Variants in OR52K1 observed in about 807,000 individuals in gnomAD.
OR52K1 encodes olfactory receptor 52K1.
In OR52K1, 10 loss-of-function variants were observed where a neutral mutation model predicts 8.7. That is an observed-to-expected ratio of 1.15 (90% CI 0.71 to 1.95). OR52K1 has a LOEUF of 1.95. OR52K1 is among the 30% of genes most tolerant of loss of function. The probability of loss-of-function intolerance (pLI) is 0.00; values close to 1 mark genes in which losing one functional copy is unlikely to be tolerated. For missense variants in OR52K1, 431 were observed against 397.2 expected, an observed-to-expected ratio of 1.08 and a Z score of -0.72; for synonymous variants, 203 against 148.5, an observed-to-expected ratio of 1.37 and a Z score of -2.67.
At position 4,486,645 on chromosome 11, in the gene OR52K1, A is replaced by G. The variant is rs144200024; in HGVS notation, c.-328-1928A>G. Among the ~76,000 whole-genome samples the G allele has an allele frequency of 2.0e-3, 310 of 152,340 alleles. 1 individual carries two copies. The highest frequency in any genetic ancestry group is 6.8e-3 in the African/African-American group (284 of 41,568). On this transcript the variant is annotated intron_variant, in intron 1 of 1. Coordinates refer to ENST00000641528, the MANE Select transcript of OR52K1 (RefSeq NM_001005171.3). ...ATTCCTTGGTTTTTAAATCACAACA[A>G]TGAAACTTTGTATAATATGTAATTT... is the stretch of plus-strand genomic sequence containing the variant.
At position 4,488,670 on chromosome 11, in the gene OR52K1, C is replaced by G; in HGVS notation, c.-231C>G. The G allele has an allele frequency of 3.9e-6, 2 of 516,244 alleles. No individual in the cohort carries two copies. Among genetic ancestry groups the G allele is most frequent in the African/African-American group, 1.9e-5 (1 of 52,000 alleles). The allele number at this position is 516,244 out of a possible 1,614,324, so 32.0% of individuals were successfully genotyped here. On this transcript the variant is annotated 5_prime_UTR_variant, in exon 2 of 2. In the 5' UTR this introduces an upstream ATG that the reference lacks. Coordinates refer to ENST00000641528, the MANE Select transcript of OR52K1 (RefSeq NM_001005171.3). ...TATTAAATATCCATAGAATTGATAT[C>G]CCATCTACTCAATGAGATTCAAATT...
rs1428426996 is a variant in OR52K1 at position 4,489,941 on chromosome 11, C to T, written c.*96C>T. 5.9e-6 allele frequency: 5 copies of T among 850,160 alleles called. No homozygotes were observed. The highest frequency in any genetic ancestry group is 9.2e-6 in the Non-Finnish European group (5 of 540,844). 52.7% of individuals were successfully genotyped at this position (850,160 alleles called of 1,614,324 possible). A position where few individuals can be genotyped will look rare whatever the true frequency, so the allele number is the denominator to read the frequency against. On this transcript the variant is annotated 3_prime_UTR_variant, in exon 2 of 2. Transcript: ENST00000641528. ...TCTAAATAGGAAAATTGCAGAGTAT[C>T]TTTGACAATTCTCTAGTATGATAAG...
intron 1 of OR52K1, among the ~76,000 whole-genome samples, chr11:4,487,469 T>C (rs754050208): frequency 2.0e-5 from 3 of 151,896 alleles, no homozygotes; most frequent in African/African-American, 7.3e-5. Context: ...GCAGTCATGA[T>C]TTCAGCCAAT....
rs1459510926 is a variant in OR52K1 at position 4,491,331 on chromosome 11, G to T, written c.*1486G>T. 1 of 152,152 alleles carries T rather than the reference G, an allele frequency of 6.6e-6. No individual in the cohort carries two copies. The highest frequency in any genetic ancestry group is 2.4e-5 in the African/African-American group (1 of 41,426). The allele number at this position is 152,152 out of a possible 1,614,324, so 9.4% of individuals were successfully genotyped here. A position where few individuals can be genotyped will look rare whatever the true frequency, so the allele number is the denominator to read the frequency against. On this transcript the variant is annotated 3_prime_UTR_variant, in exon 2 of 2. Transcript: ENST00000641528. The stretch of plus-strand genomic sequence containing the variant: ...GAAAAGGAAACACTTATATACTGCT[G>T]GTAGGAGTGTAAATTATTTCACCCA...
At position 4,490,002 on chromosome 11, in the gene OR52K1, C is replaced by G; in HGVS notation, c.*157C>G. On this transcript the variant is annotated 3_prime_UTR_variant, in exon 2 of 2. Coordinates refer to ENST00000641528, the MANE Select transcript of OR52K1 (RefSeq NM_001005171.3). ...TTTCATTCCTCACAGATCTACGAGTCAGGTCAAACCAGGAGTGCACCTATA... is the reference window on the plus strand; with the variant it reads ...TTTCATTCCTCACAGATCTACGAGTGAGGTCAAACCAGGAGTGCACCTATA... The G allele has an allele frequency of 1.6e-6, 1 of 627,450 alleles. No individual in the cohort carries two copies. The highest frequency in any genetic ancestry group is 2.7e-5 in the East Asian group (1 of 36,514). 38.9% of individuals were successfully genotyped at this position (627,450 alleles called of 1,614,324 possible).
Position 4,492,181 on chromosome 11 carries a change from C to A in OR52K1, c.*2336C>A, listed in dbSNP as rs1846381259. 6.6e-6 allele frequency: 1 copy of A among 152,130 alleles called. No homozygotes were observed. The highest frequency in any genetic ancestry group is 2.4e-5 in the African/African-American group (1 of 41,412). The allele number at this position is 152,130 out of a possible 1,614,324, so 9.4% of individuals were successfully genotyped here. A position where few individuals can be genotyped will look rare whatever the true frequency, so the allele number is the denominator to read the frequency against. ...GCTTTCTTTCCCCTCTGCTGCAAAACCCAGCAAAGTTCCAGTTAGAGGCTG... is the reference window on the plus strand; with the variant it reads ...GCTTTCTTTCCCCTCTGCTGCAAAAACCAGCAAAGTTCCAGTTAGAGGCTG... On this transcript the variant is annotated 3_prime_UTR_variant, in exon 2 of 2. Coordinates refer to ENST00000641528, the MANE Select transcript of OR52K1 (RefSeq NM_001005171.3).
rs1363252207 is a variant in OR52K1 at position 4,493,017 on chromosome 11, C to T, written c.*3172C>T. 1.3e-5 allele frequency: 2 copies of T among 153,714 alleles called. No homozygotes were observed. The highest frequency in any genetic ancestry group is 4.8e-5 in the African/African-American group (2 of 41,440). 9.5% of individuals were successfully genotyped at this position (153,714 alleles called of 1,614,324 possible). A position where few individuals can be genotyped will look rare whatever the true frequency, so the allele number is the denominator to read the frequency against. ...TGTCCACTGGACAGGGGGCCCTTCC[C>T]TGTTTGGCAGCCAAGAAGGAGAGAG... is the stretch of plus-strand genomic sequence containing the variant. On this transcript the variant is annotated 3_prime_UTR_variant, in exon 2 of 2. Transcript: ENST00000641528.
In OR52K1 at chr11:4,489,600, G is replaced by A. The variant is rs764539384; in HGVS notation, c.700G>A (p.Glu234Lys). The change falls in exon 2 of 2, where the codon GAG becomes AAG. Residue 234 changes from glutamate (E) to lysine (K), a missense_variant. Physicochemically the swap from Glu to Lys is moderately conservative, Grantham distance 56. Transcript: ENST00000641528. ...GGCAGTTCTCCAGCTTGCCTCTCAG[G>A]AGGCCCGCTACAAGGCATTTGGGAC... Reference protein sequence around the residue: ...LQAVLQLASQEARYKAFGTCV... With the variant: ...LQAVLQLASQKARYKAFGTCV... 3.1e-6 allele frequency: 5 copies of A among 1,614,038 alleles called. No individual in the cohort carries two copies. In the African/African-American group the frequency reaches 4.0e-5, roughly 13 times the overall value.
chr11:4,488,285 T>C (rs1846336800), intron 1 of OR52K1, among the ~76,000 whole-genome samples: 1 of 152,262 alleles, frequency 6.6e-6, no homozygotes, highest in South Asian at 2.1e-4. Flanking sequence ...ACGTGAAAAG[T>C]ATTTTGTATA....
At chr11:4,485,963 C>T (rs77645361) in intron 1 of OR52K1, among the ~76,000 whole-genome samples, 1 of 152,158 alleles carries the variant, frequency 6.6e-6, no homozygotes, top group South Asian at 2.1e-4. Context: ...TGTCTTGGGG[C>T]ATTTTCTCTG....
chr11:4,486,101 G>A (rs1025454850), intron 1 of OR52K1, among the ~76,000 whole-genome samples: 11 of 152,140 alleles, frequency 7.2e-5, no homozygotes, highest in Non-Finnish European at 1.2e-4. Flanking sequence ...CCATTCGAGT[G>A]CAGGTGTAGG....
intron 1 of OR52K1, among the ~76,000 whole-genome samples, chr11:4,485,778 C>T (rs1564831582): frequency 6.6e-6 from 1 of 152,172 alleles, no homozygotes; most frequent in South Asian, 2.1e-4. Flanking sequence ...CATCTCCTCT[C>T]TGCTGAAAAC....
chr11:4,488,432 T>C (rs1426147472), intron 1 of OR52K1, 141 bp from the exon 2 acceptor site: 2 of 161,446 alleles, frequency 1.2e-5, no homozygotes, highest in African/African-American at 4.8e-5. Flanking sequence ...TGGGTTTGAC[T>C]TATACATGGA....
chr11:4,485,680 A>G (rs750081100), intron 1 of OR52K1, among the ~76,000 whole-genome samples: 1 of 152,216 alleles, frequency 6.6e-6, no homozygotes, highest in Non-Finnish European at 1.5e-5. Context: ...AATAGTCTCC[A>G]GGTACTTTCC....
chr11:4,483,491 C>G (rs906958490), intron 1 of OR52K1, among the ~76,000 whole-genome samples: 2 of 152,192 alleles, frequency 1.3e-5, no homozygotes, highest in Non-Finnish European at 2.9e-5. Context: ...GGGAAGAAGA[C>G]TGGCTCCATT....
chr11:4,492,801 C>G lies in OR52K1; in HGVS notation c.*2956C>G, dbSNP rs1846389858. On this transcript the variant is annotated 3_prime_UTR_variant, in exon 2 of 2. Transcript: ENST00000641528. ...CCCCTTGTGTGCAGAGATGAGAGAT[C>G]ATAGAAATAAAGACAAAAGATAAAG... 1.2e-5 allele frequency: 2 copies of G among 168,030 alleles called. No homozygotes were observed. The highest frequency in any genetic ancestry group is 4.8e-5 in the African/African-American group (2 of 41,682). The allele number at this position is 168,030 out of a possible 1,614,324, so 10.4% of individuals were successfully genotyped here.
At chr11:4,484,971 C>G (rs959186313) in intron 1 of OR52K1, among the ~76,000 whole-genome samples, 6 of 152,150 alleles carry the variant, frequency 3.9e-5, no homozygotes, top group African/African-American at 1.4e-4. Context: ...CTTCAATTCC[C>G]CTCTTATCTA....
chr11:4,483,403 G>A (rs1203354964), intron 1 of OR52K1, among the ~76,000 whole-genome samples: 1 of 152,130 alleles, frequency 6.6e-6, no homozygotes, highest in Admixed American at 6.5e-5. Context: ...TTTGAGCATG[G>A]ACATCTTAGT....
intron 1 of OR52K1, among the ~76,000 whole-genome samples, chr11:4,487,875 T>G (rs331509): frequency 0.21 from 31,784 of 152,024 alleles, 3,538 homozygotes; most frequent in South Asian, 0.38. Context: ...TTTATAACAG[T>G]CTTGGTAAAA....
Sources: allele counts gnomAD v4.1 joint callset (sites outside exome capture counted in the v4.1 genomes callset), GRCh38; gene constraint gnomAD v4.1.1; transcripts MANE v1.5; gene names NCBI Gene and HGNC (gene_info 2026-07-23, HGNC 2026-07-21).